ATG7: variants seen among roughly 807,000 people sequenced by gnomAD.
The protein encoded by ATG7 is ubiquitin-like modifier-activating enzyme ATG7.
Under a neutral mutation model 82.4 loss-of-function variants are expected in ATG7, and 70 were observed. That is an observed-to-expected ratio of 0.85 (90% CI 0.70 to 1.04). The LOEUF is 1.04. Among genes scored for constraint, ATG7 ranks in the 50% least tolerant of loss-of-function variants. The pLI, the probability that ATG7 is intolerant of heterozygous loss-of-function variation, is 0.00. For synonymous variants in ATG7, 287 were observed against 313.0 expected (o/e 0.92, Z 0.88); for missense variants, 792 against 864.3 (o/e 0.92, Z 1.05).
chr3:11,464,728 G>A (rs1313900544), intron 20 of ATG7, among the ~76,000 whole-genome samples: 1 of 152,230 alleles, frequency 6.6e-6, no homozygotes, highest in Non-Finnish European at 1.5e-5. Flanking sequence ...TTGCAGAGGG[G>A]ACAGGGCTTT....
chr3:11,462,879 T>C (rs1306861403), intron 20 of ATG7, among the ~76,000 whole-genome samples: 1 of 147,096 alleles, frequency 6.8e-6, no homozygotes, highest in Non-Finnish European at 1.5e-5. Flanking sequence ...ATTTATTTAT[T>C]TATTTATTTA....
chr3:11,306,145 A>C (rs1947696074), intron 5 of ATG7, among the ~76,000 whole-genome samples: 1 of 152,168 alleles, frequency 6.6e-6, no homozygotes, highest in South Asian at 2.1e-4. Context: ...GGCAATGTAG[A>C]GTGTGTAAAC....
chr3:11,559,044 C>T (rs556493091), downstream of ATG7, among the ~76,000 whole-genome samples: 2 of 152,180 alleles, frequency 1.3e-5, no homozygotes, highest in Non-Finnish European at 2.9e-5. Flanking sequence ...GGCCAGAGTC[C>T]GAGTTCAGAA....
At chr3:11,478,215 A>G (rs565652252) in intron 20 of ATG7, among the ~76,000 whole-genome samples, 1 of 152,372 alleles carries the variant, frequency 6.6e-6, no homozygotes, top group East Asian at 1.9e-4. Context: ...AAAAATGAGT[A>G]TGAAAATCTA....
At chr3:11,543,385 C>A (rs924214223) in intron 20 of ATG7, among the ~76,000 whole-genome samples, 5 of 152,208 alleles carry the variant, frequency 3.3e-5, no homozygotes, top group African/African-American at 1.2e-4. Context: ...CCCCACAGTT[C>A]TGTTTCCTTC....
intron 20 of ATG7, among the ~76,000 whole-genome samples, chr3:11,482,680 T>G (rs1017855240): frequency 3.9e-5 from 6 of 152,118 alleles, no homozygotes; most frequent in Non-Finnish European, 8.8e-5. Flanking sequence ...CTTATAAACA[T>G]CTGAGTGATA....
At chr3:11,436,072 A>C (rs1296654938) in intron 20 of ATG7, among the ~76,000 whole-genome samples, 3 of 152,176 alleles carry the variant, frequency 2.0e-5, no homozygotes, top group Non-Finnish European at 2.9e-5. Context: ...CCATCTCTAA[A>C]AACAACAACA....
chr3:11,561,198 C>G (rs1479017746), downstream of ATG7, among the ~76,000 whole-genome samples: 1 of 152,168 alleles, frequency 6.6e-6, no homozygotes, highest in Non-Finnish European at 1.5e-5. Flanking sequence ...CGAGCGTGTC[C>G]TGACCCACGC....
chr3:11,316,578 T>C (rs942711615), intron 9 of ATG7, among the ~76,000 whole-genome samples: 6 of 152,344 alleles, frequency 3.9e-5, no homozygotes, highest in African/African-American at 1.4e-4. Flanking sequence ...GCAGGTCCAG[T>C]ACCTTGTACA....
At chr3:11,491,932 C>A (rs1279378800) in intron 20 of ATG7, among the ~76,000 whole-genome samples, 1 of 152,164 alleles carries the variant, frequency 6.6e-6, no homozygotes. Context: ...TGTGCCCTGC[C>A]CCCAGAGGTG....
chr3:11,301,477 T>A (rs987030495), intron 5 of ATG7, among the ~76,000 whole-genome samples: 2 of 152,150 alleles, frequency 1.3e-5, no homozygotes, highest in African/African-American at 4.8e-5. Context: ...AATCAATACT[T>A]TTTTTCCCTT....
At chr3:11,333,884 A>G (rs1484075699) in intron 11 of ATG7, among the ~76,000 whole-genome samples, 1 of 151,190 alleles carries the variant, frequency 6.6e-6, no homozygotes, top group Non-Finnish European at 1.5e-5. Flanking sequence ...AGTAGCTGGG[A>G]CCACAGGCGC....
intron 20 of ATG7, among the ~76,000 whole-genome samples, chr3:11,552,873 G>C (rs1456875258): frequency 2.0e-5 from 3 of 152,126 alleles, no homozygotes; most frequent in Non-Finnish European, 4.4e-5. Context: ...CTTCCCCATA[G>C]CTAAAAACCC....
chr3:11,340,559 G>T, intron 11 of ATG7, 86 bp from the exon 12 acceptor site: 1 of 1,217,704 alleles, frequency 8.2e-7, no homozygotes, highest in South Asian at 1.3e-5. Flanking sequence ...TATGAATGTC[G>T]ATCTTTTTTA....
At chr3:11,525,911 C>T (rs1233082890) in intron 20 of ATG7, among the ~76,000 whole-genome samples, 1 of 152,102 alleles carries the variant, frequency 6.6e-6, no homozygotes, top group African/African-American at 2.4e-5. Context: ...GTTCTGTCAC[C>T]TTTAATTCCT....
At chr3:11,319,158 C>T (rs543949273) in intron 9 of ATG7, among the ~76,000 whole-genome samples, 5 of 152,242 alleles carry the variant, frequency 3.3e-5, no homozygotes, top group South Asian at 2.1e-4. Context: ...AGGCTTTTGC[C>T]GGGGGCAGGG....
chr3:11,393,250 G>A (rs917599240), intron 19 of ATG7, among the ~76,000 whole-genome samples: 14 of 152,036 alleles, frequency 9.2e-5, no homozygotes, highest in African/African-American at 2.9e-4. Flanking sequence ...TGTTTTCATC[G>A]GAAAAATTAT....
intron 20 of ATG7, among the ~76,000 whole-genome samples, chr3:11,441,388 C>T (rs2083942943): frequency 6.6e-6 from 1 of 152,006 alleles, no homozygotes; most frequent in African/African-American, 2.4e-5. Context: ...ATTACAGGTG[C>T]ATGCCACCAC....
intron 20 of ATG7, among the ~76,000 whole-genome samples, chr3:11,493,755 C>T (rs1298770382): frequency 1.3e-5 from 2 of 152,162 alleles, no homozygotes. Context: ...GGAAACATGA[C>T]TAAGTAGTCC....
Sources: allele counts gnomAD v4.1 joint callset (sites outside exome capture counted in the v4.1 genomes callset), GRCh38; gene constraint gnomAD v4.1.1; transcripts MANE v1.5; gene names NCBI Gene and HGNC (gene_info 2026-07-23, HGNC 2026-07-21).